Variants in PGLYRP4 observed in about 807,000 individuals in gnomAD.
The protein encoded by PGLYRP4 is PGRP-I-beta.
PGLYRP4 carries 39 observed loss-of-function variants against 41.2 expected under a neutral mutation model. The ratio of observed to expected loss-of-function variants is 0.95; its 90% confidence interval spans 0.73 to 1.24. PGLYRP4 has a LOEUF of 1.24. PGLYRP4 is among the 50% of genes most tolerant of loss of function. The probability of loss-of-function intolerance (pLI) is 0.00; values close to 1 mark genes in which losing one functional copy is unlikely to be tolerated. For synonymous variants in PGLYRP4, 202 were observed against 186.8 expected (o/e 1.08, Z -0.66); for missense variants, 467 against 460.7 (o/e 1.01, Z -0.13).
rs753680950 is a variant in PGLYRP4 at position 153,337,309 on chromosome 1, C to A, written c.825-10G>T. Reference sequence around the variant, plus strand: ...CTGGCCCACCAGGAAGCTAGAGGACCACAAGGGGAGATGGAGACCAGCATG... The same window carrying A: ...CTGGCCCACCAGGAAGCTAGAGGACAACAAGGGGAGATGGAGACCAGCATG... On this transcript the variant is annotated splice_polypyrimidine_tract_variant and intron_variant, in intron 7 of 8. Coordinates refer to ENST00000359650, the MANE Select transcript of PGLYRP4 (RefSeq NM_020393.4). The A allele has an allele frequency of 2.0e-6, 3 of 1,522,398 alleles. No homozygotes were observed. Among genetic ancestry groups the A allele is most frequent in the Non-Finnish European group, 2.7e-6 (3 of 1,109,816 alleles). The allele number at this position is 1,522,398 out of a possible 1,614,324, so 94.3% of individuals were successfully genotyped here.
intron 5 of PGLYRP4, among the ~76,000 whole-genome samples, chr1:153,342,142 A>T (rs2916214): frequency 3.3e-5 from 5 of 152,188 alleles, no homozygotes; most frequent in South Asian, 2.1e-4. Flanking sequence ...TCATTTAATC[A>T]GCAGCACAAA....
intron 5 of PGLYRP4, 152 bp downstream of exon 5, chr1:153,342,938 A>C: frequency 1.8e-6 from 1 of 541,742 alleles, no homozygotes; most frequent in Non-Finnish European, 3.4e-6. Context: ...CTGGAAATCA[A>C]GGAAGAAGAA....
intron 8 of PGLYRP4, chr1:153,331,530 C>T (rs1333154295): frequency 1.3e-5 from 2 of 152,334 alleles, no homozygotes; most frequent in Non-Finnish European, 2.9e-5. Flanking sequence ...TGGGCCATGT[C>T]ACTGAATCAG....
chr1:153,334,865 A>C (rs932138435), intron 8 of PGLYRP4, among the ~76,000 whole-genome samples: 1 of 152,200 alleles, frequency 6.6e-6, no homozygotes, highest in African/African-American at 2.4e-5. Flanking sequence ...TACATAGATC[A>C]ATGGAACACA....
At chr1:153,335,580 C>T (rs957701693) in intron 8 of PGLYRP4, among the ~76,000 whole-genome samples, 9 of 152,186 alleles carry the variant, frequency 5.9e-5, no homozygotes, top group African/African-American at 2.2e-4. Context: ...AAAAAATTAG[C>T]TGGGTGTGGT....
intron 7 of PGLYRP4, among the ~76,000 whole-genome samples, chr1:153,339,317 T>C (rs1571133619): frequency 6.6e-6 from 1 of 152,240 alleles, no homozygotes; most frequent in Non-Finnish European, 1.5e-5. Flanking sequence ...TGGTAGGTTC[T>C]GATACGTCAT....
chr1:153,337,243 C>T lies in PGLYRP4; in HGVS notation c.881G>A (p.Gly294Asp), dbSNP rs375376104. Residue 294 changes from glycine (G) to aspartate (D), a missense_variant, in exon 8 of 9, where the codon GGC (glycine) becomes GAC (aspartate). Transcript: ENST00000359650. ...GTCATCGTAGCCAGGGGTGGAGGAG[C>T]CTTGGACATTCCAGCCCACCCCTTC... ...IYEGVGWNVQ[G>D]SSTPGYDDIA... 8 of 1,613,646 alleles carry T rather than the reference C, an allele frequency of 5.0e-6. No homozygotes were observed. The East Asian group carries it at 6.7e-5, about 13-fold the overall frequency.
At chr1:153,348,410 G>C (rs151320649) in intron 1 of PGLYRP4, 118 bp downstream of exon 1, 1 of 159,412 alleles carries the variant, frequency 6.3e-6, no homozygotes, top group East Asian at 1.9e-4. Context: ...AGATATAGGA[G>C]TAGGAGGGGT....
chr1:153,335,158 C>T (rs1660502260), intron 8 of PGLYRP4, among the ~76,000 whole-genome samples: 1 of 137,738 alleles, frequency 7.3e-6, no homozygotes, highest in Admixed American at 7.7e-5. Context: ...TGACTAAGTC[C>T]TCAAAAGCAA....
At chr1:153,345,867 CCT>C (rs1660989529) in intron 3 of PGLYRP4, among the ~76,000 whole-genome samples, 1 of 152,154 alleles carries the variant, frequency 6.6e-6, no homozygotes, top group South Asian at 2.1e-4. Context: ...ACAGGGAGTC[CCT>C]GTCTGCAGAG....
Position 153,337,287 on chromosome 1 carries a change from G to A in PGLYRP4, c.837C>T (p.Gly279=). 6.2e-7 allele frequency: 1 copy of A among 1,606,576 alleles called. No homozygotes were observed. ...CCCCTTCATAAATGGCGCCATCCTG[G>A]CCCACCAGGAAGCTAGAGGACCACA... ...SCDIGYNFLV[G]QDGAIYEGVG... The change falls in exon 8 of 9, where the codon GGC becomes GGT. Residue 279 remains glycine, a synonymous_variant. Transcript: ENST00000359650.
intron 8 of PGLYRP4, among the ~76,000 whole-genome samples, chr1:153,332,910 A>G (rs1181714906): frequency 6.6e-6 from 1 of 152,126 alleles, no homozygotes; most frequent in Admixed American, 6.6e-5. Flanking sequence ...TACAGCATCA[A>G]ATGCCTCTAT....
At position 153,337,316 on chromosome 1, in the gene PGLYRP4, G is replaced by C; in HGVS notation, c.825-17C>G. 7.0e-7 allele frequency: 1 copy of C among 1,424,284 alleles called. No homozygotes were observed. The highest frequency in any genetic ancestry group is 9.8e-7 in the Non-Finnish European group (1 of 1,024,730). 88.2% of individuals were successfully genotyped at this position (1,424,284 alleles called of 1,614,324 possible). On this transcript the variant is annotated splice_polypyrimidine_tract_variant and intron_variant, in intron 7 of 8. Coordinates refer to ENST00000359650, the MANE Select transcript of PGLYRP4 (RefSeq NM_020393.4). ...ACCAGGAAGCTAGAGGACCACAAGG[G>C]GAGATGGAGACCAGCATGAAATTCT...
chr1:153,330,446 A>G lies in PGLYRP4; in HGVS notation c.*321T>C. On this transcript the variant is annotated 3_prime_UTR_variant, in exon 9 of 9. Transcript: ENST00000359650. ...GGGGAAGGCTCACCAGGCAGAGGGG[A>G]ATGGAGAGAGAGAGAGAAATGAAAC... The G allele has an allele frequency of 5.1e-6, 1 of 195,836 alleles. No homozygotes were observed. Among genetic ancestry groups the G allele is most frequent in the Admixed American group, 5.3e-5 (1 of 19,020 alleles). The allele number at this position is 195,836 out of a possible 1,614,324, so 12.1% of individuals were successfully genotyped here.
chr1:153,346,490 A>AAG (rs397721652), intron 2 of PGLYRP4, among the ~76,000 whole-genome samples: 9 of 151,640 alleles, frequency 5.9e-5, no homozygotes, highest in African/African-American at 2.2e-4. Flanking sequence ...AAAAAAAAAA[A>AAG]CTAGAAATGT....
chr1:153,333,413 T>A (rs1660416059), intron 8 of PGLYRP4, among the ~76,000 whole-genome samples: 1 of 152,124 alleles, frequency 6.6e-6, no homozygotes, highest in African/African-American at 2.4e-5. Flanking sequence ...AATAATTAAA[T>A]TGAATCAGTA....
rs908663193 is a variant in PGLYRP4 at position 153,341,365 on chromosome 1, G to A, written c.625+262C>T. ...AAGGTGTTCAGTAATTGCTTGTTGA[G>A]TGATGGAAGAAAGGAGTGTGCATAT... On this transcript the variant is annotated intron_variant, in intron 6 of 8. Coordinates refer to ENST00000359650, the MANE Select transcript of PGLYRP4 (RefSeq NM_020393.4). Among the ~76,000 whole-genome samples the A allele has an allele frequency of 2.5e-4, 38 of 152,316 alleles. 1 individual carries two copies. Among genetic ancestry groups the A allele is most frequent in the African/African-American group, 9.1e-4 (38 of 41,572 alleles).
intron 7 of PGLYRP4, 40 bp from the exon 8 acceptor site, chr1:153,337,339 T>TTCATG: frequency 3.3e-6 from 4 of 1,207,766 alleles, no homozygotes; most frequent in Non-Finnish European, 4.8e-6. Context: ...AGCATGAAAT[T>TTCATG]CTGGAATTGT....
intron 4 of PGLYRP4, among the ~76,000 whole-genome samples, chr1:153,344,447 G>C (rs1224237975): frequency 6.6e-6 from 1 of 152,088 alleles, no homozygotes; most frequent in Non-Finnish European, 1.5e-5. Context: ...GGTTGAGGAG[G>C]CTACACACCA....
Sources: gnomAD v4.1 joint callset for allele counts (sites outside exome capture counted in the v4.1 genomes callset) on GRCh38, gnomAD v4.1.1 for gene constraint, MANE v1.5 for transcripts, NCBI Gene and HGNC (gene_info 2026-07-23, HGNC 2026-07-21) for gene names.